Variants in CPPED1 observed in about 807,000 individuals in gnomAD.
CPPED1 encodes serine/threonine-protein phosphatase CPPED1.
CPPED1 carries 28 observed loss-of-function variants against 28.0 expected under a neutral mutation model. The observed-to-expected ratio is 1.00, with a 90% CI of 0.74 to 1.37. The LOEUF (loss-of-function observed/expected upper bound fraction) is 1.37, where lower values mean the gene tolerates loss of function less well. Ranked by LOEUF, CPPED1 falls within the 40% of genes most tolerant of loss-of-function variation. The pLI is 0.00. For missense variants in CPPED1, 504 were observed against 416.5 expected (o/e 1.21, Z -1.83); for synonymous variants, 198 against 180.2 (o/e 1.10, Z -0.79).
intron 1 of CPPED1, among the ~76,000 whole-genome samples, chr16:12,785,721 A>G (rs575764420): frequency 1.2e-4 from 18 of 152,308 alleles, no homozygotes; most frequent in Non-Finnish European, 2.2e-4. Context: ...GGCATGAGCC[A>G]CCACACTCAG....
At chr16:12,735,242 A>T (rs750937787) in intron 2 of CPPED1, among the ~76,000 whole-genome samples, 6 of 152,200 alleles carry the variant, frequency 3.9e-5, no homozygotes, top group Non-Finnish European at 8.8e-5. Flanking sequence ...GGATGAGTAG[A>T]CTATGACAAT....
chr16:12,734,164 G>C (rs2080214737), intron 2 of CPPED1, among the ~76,000 whole-genome samples: 1 of 142,582 alleles, frequency 7.0e-6, no homozygotes. Context: ...CTGCTTCCCG[G>C]GTTCAAGCGA....
At chr16:12,681,212 C>G (rs1195663900) in intron 3 of CPPED1, among the ~76,000 whole-genome samples, 1 of 148,654 alleles carries the variant, frequency 6.7e-6, no homozygotes, top group Non-Finnish European at 1.5e-5. Context: ...CCCAGGGTAA[C>G]AGCGTTGGGA....
chr16:12,689,369 G>A (rs1391747176), intron 3 of CPPED1, among the ~76,000 whole-genome samples: 1 of 129,040 alleles, frequency 7.7e-6, no homozygotes, highest in African/African-American at 2.5e-5. Context: ...TAGAACCACA[G>A]GTGCACACCA....
chr16:12,687,724 G>C (rs1043968741), intron 3 of CPPED1, among the ~76,000 whole-genome samples: 1 of 152,122 alleles, frequency 6.6e-6, no homozygotes, highest in Non-Finnish European at 1.5e-5. Context: ...CTGGAATAGA[G>C]GAAAGAGAGG....
intron 2 of CPPED1, among the ~76,000 whole-genome samples, chr16:12,761,971 C>T (rs1406625125): frequency 6.6e-6 from 1 of 151,150 alleles, no homozygotes; most frequent in Non-Finnish European, 1.5e-5. Flanking sequence ...GCTGAGATTG[C>T]ACCACTGTAC....
chr16:12,790,726 C>T (rs1432252568), intron 1 of CPPED1, among the ~76,000 whole-genome samples: 2 of 151,626 alleles, frequency 1.3e-5, no homozygotes, highest in Non-Finnish European at 2.9e-5. Flanking sequence ...GTCAAGAGAT[C>T]GAGACCATCC....
intron 3 of CPPED1, among the ~76,000 whole-genome samples, chr16:12,679,692 A>G (rs2079895410): frequency 6.6e-6 from 1 of 152,162 alleles, no homozygotes; most frequent in Non-Finnish European, 1.5e-5. Flanking sequence ...CTACTCACTA[A>G]CATCCTGAAA....
chr16:12,761,276 C>CAAAAAAAAAAAAAAAAAAAAAAAAA (rs55848318), intron 2 of CPPED1: 1 of 69,392 alleles, frequency 1.4e-5, no homozygotes, highest in Non-Finnish European at 3.0e-5. Flanking sequence ...GACTCTGTCT[C>CAAAAAAAAAAAAAAAAAAAAAAAAA]AAAAAAAAAA....
At chr16:12,769,859 A>C (rs1282677748) in intron 2 of CPPED1, among the ~76,000 whole-genome samples, 1 of 152,186 alleles carries the variant, frequency 6.6e-6, no homozygotes, top group African/African-American at 2.4e-5. Flanking sequence ...TCTCTGTGTT[A>C]AACTGTAGGG....
At chr16:12,782,630 T>C (rs985924525) in intron 1 of CPPED1, among the ~76,000 whole-genome samples, 2 of 150,062 alleles carry the variant, frequency 1.3e-5, no homozygotes, top group African/African-American at 4.9e-5. Flanking sequence ...GAGGCCAACA[T>C]GGACGAATCA....
At chr16:12,683,324 G>C (rs1259429382) in intron 3 of CPPED1, among the ~76,000 whole-genome samples, 1 of 152,106 alleles carries the variant, frequency 6.6e-6, no homozygotes, top group Non-Finnish European at 1.5e-5. Context: ...TATTCTTCCT[G>C]CATACATCTC....
In CPPED1 at chr16:12,777,207, G is replaced by A. The variant is rs150784969; in HGVS notation, c.289+3978C>T. ...TCAAGGAAACTTTATATCAAGGGAA[G>A]AATTATTCCTGTATTAACTGTTTTT... is the stretch of plus-strand genomic sequence containing the variant. On this transcript the variant is annotated intron_variant, in intron 2 of 3. Coordinates refer to ENST00000381774, the MANE Select transcript of CPPED1 (RefSeq NM_018340.3). 6.4e-3 allele frequency among the ~76,000 whole-genome samples: 973 copies of A among 152,280 alleles called. 11 individuals carry two copies. Among genetic ancestry groups the A allele is most frequent in the African/African-American group, 0.022 (898 of 41,568 alleles).
intron 2 of CPPED1, among the ~76,000 whole-genome samples, chr16:12,739,629 G>A (rs1293533662): frequency 1.3e-5 from 2 of 152,100 alleles, no homozygotes; most frequent in African/African-American, 4.8e-5. Context: ...GCAAGAGTGG[G>A]GCAGATTGCT....
intron 1 of CPPED1, among the ~76,000 whole-genome samples, chr16:12,784,200 A>G (rs887869904): frequency 1.3e-5 from 2 of 152,212 alleles, no homozygotes; most frequent in Admixed American, 6.5e-5. Context: ...AGAGAGGCCA[A>G]TGTGCTGAGG....
intron 3 of CPPED1, among the ~76,000 whole-genome samples, chr16:12,699,390 G>T (rs1363417981): frequency 6.6e-6 from 1 of 151,906 alleles, no homozygotes; most frequent in African/African-American, 2.4e-5. Flanking sequence ...TGTTTCTAGG[G>T]AAACCTGCAC....
rs2141189615 is a variant in CPPED1 at position 12,708,542 on chromosome 16, C to A, written c.290-3493G>T. 3.3e-5 allele frequency among the ~76,000 whole-genome samples: 5 copies of A among 152,242 alleles called. No homozygotes were observed. In the Middle Eastern group the frequency reaches 0.014, roughly 414 times the overall value. ...CGACCCACTGTGTGTGCATAACAAC[C>A]AGTAAATCGTTTCAGAAGGAATGAA... On this transcript the variant is annotated intron_variant, in intron 2 of 3. Coordinates refer to ENST00000381774, the MANE Select transcript of CPPED1 (RefSeq NM_018340.3).
intron 2 of CPPED1, among the ~76,000 whole-genome samples, chr16:12,746,397 T>C (rs1341338945): frequency 7.0e-6 from 1 of 143,754 alleles, no homozygotes; most frequent in Admixed American, 6.9e-5. Context: ...AAAAAAAAAT[T>C]CGATGTCCAG....
intron 2 of CPPED1, among the ~76,000 whole-genome samples, chr16:12,749,358 T>C (rs983217192): frequency 1.3e-5 from 2 of 152,210 alleles, no homozygotes; most frequent in African/African-American, 4.8e-5. Context: ...TCTTTCTTCA[T>C]TCCATAAGAC....
Sources: gnomAD v4.1 joint callset for allele counts (sites outside exome capture counted in the v4.1 genomes callset) on GRCh38, gnomAD v4.1.1 for gene constraint, MANE v1.5 for transcripts, NCBI Gene and HGNC (gene_info 2026-07-23, HGNC 2026-07-21) for gene names.